Variants in STK32B observed in about 807,000 individuals in gnomAD.
STK32B encodes serine/threonine kinase 32B.
STK32B carries 43 observed loss-of-function variants against 52.6 expected under a neutral mutation model. The ratio of observed to expected loss-of-function variants is 0.82; its 90% CI spans 0.64 to 1.05. STK32B has a LOEUF of 1.05. Among genes scored for constraint, STK32B ranks in the 50% least tolerant of loss-of-function variants. The pLI, the probability that STK32B is intolerant of heterozygous loss-of-function variation, is 0.00. For missense variants in STK32B, 621 were observed against 534.6 expected, an observed-to-expected ratio of 1.16 and a Z score of -1.59; for synonymous variants, 238 against 204.3, an observed-to-expected ratio of 1.17 and a Z score of -1.41.
rs186537437 is a variant in STK32B at position 5,396,257 on chromosome 4, G to A, written c.435-1950G>A. On this transcript the variant is annotated intron_variant, in intron 4 of 11. Transcript: ENST00000282908. The surrounding 1 kb of genome is among the most constrained non-coding windows in gnomAD (Gnocchi z 4.7). ...CTGTTCCAGCTCCAGGTGGCTCCAG[G>A]CGTTTCTGGTTCATGGCTGCATCAC... 2.9e-4 allele frequency among the ~76,000 whole-genome samples: 44 copies of A among 152,282 alleles called. No individual in the cohort carries two copies. The East Asian group carries it at 7.0e-3, about 24-fold the overall frequency.
intron 3 of STK32B, among the ~76,000 whole-genome samples, chr4:5,257,052 T>G (rs1726358796): frequency 6.9e-6 from 1 of 144,404 alleles, no homozygotes; most frequent in South Asian, 2.2e-4. Flanking sequence ...AATGAGTGAA[T>G]GAATATGTGA....
intron 11 of STK32B, among the ~76,000 whole-genome samples, chr4:5,489,230 G>C (rs1719480836): frequency 6.6e-6 from 1 of 152,032 alleles, no homozygotes; most frequent in Admixed American, 6.6e-5. Flanking sequence ...ATTTTTAATA[G>C]CTTACCTAAA....
intron 5 of STK32B, among the ~76,000 whole-genome samples, chr4:5,405,654 A>C (rs11734282): frequency 0.14 from 20,707 of 152,130 alleles, 2,520 homozygotes; most frequent in African/African-American, 0.33. Context: ...AAGGGGAAGC[A>C]AGCACGTCTT....
At chr4:5,223,403 C>A (rs1405155227) in intron 3 of STK32B, among the ~76,000 whole-genome samples, 1 of 152,132 alleles carries the variant, frequency 6.6e-6, no homozygotes, top group Non-Finnish European at 1.5e-5. Context: ...CAATGGCAGC[C>A]TGCGAGAGCT....
chr4:5,086,658 GATTA>G (rs1201260523), intron 1 of STK32B, among the ~76,000 whole-genome samples: 1 of 152,090 alleles, frequency 6.6e-6, no homozygotes, highest in Non-Finnish European at 1.5e-5. Context: ...ACCACACCGA[GATTA>G]ATTAAACTGT....
chr4:5,484,296 G>C (rs563555563), intron 11 of STK32B, among the ~76,000 whole-genome samples: 3 of 152,284 alleles, frequency 2.0e-5, no homozygotes, highest in South Asian at 4.2e-4. Context: ...TATATATTTA[G>C]GATAGTTAGC....
At position 5,051,669 on chromosome 4, in the gene STK32B, C is replaced by T. The variant is rs1163835626; in HGVS notation, c.-195C>T. ...GCGGCGAGAGCGGGGTCCCTGCGAG[C>T]GCAGTCGGAAGGGCGTCCAGGAGAA... On this transcript the variant is annotated 5_prime_UTR_variant, in exon 1 of 12. Coordinates refer to ENST00000282908, the MANE Select transcript of STK32B (RefSeq NM_018401.3). 3 of 613,618 alleles carry T rather than the reference C, an allele frequency of 4.9e-6. No homozygotes were observed. The highest frequency in any genetic ancestry group is 4.2e-5 in the Admixed American group (1 of 23,770). 38.0% of individuals were successfully genotyped at this position (613,618 alleles called of 1,614,324 possible).
At chr4:5,127,009 A>G in intron 1 of STK32B, 2 of 456,488 alleles carry the variant, frequency 4.4e-6, no homozygotes, top group Admixed American at 2.4e-5. Flanking sequence ...AGATGACAGC[A>G]TTACTCACAT....
intron 3 of STK32B, among the ~76,000 whole-genome samples, chr4:5,314,602 G>A (rs1434731279): frequency 1.3e-5 from 2 of 152,160 alleles, no homozygotes; most frequent in Non-Finnish European, 1.5e-5. Flanking sequence ...CCCAGGAGGC[G>A]GAGGTTGCAG....
chr4:5,163,333 A>G (rs1718593952), intron 2 of STK32B, among the ~76,000 whole-genome samples: 1 of 152,182 alleles, frequency 6.6e-6, no homozygotes. Context: ...TTTATAATAC[A>G]GTGTGTCAAG....
At chr4:5,271,199 G>A (rs574241476) in intron 3 of STK32B, among the ~76,000 whole-genome samples, 45 of 152,292 alleles carry the variant, frequency 3.0e-4, no homozygotes, top group African/African-American at 1.1e-3. Context: ...ACCTCCCAAA[G>A]TGCTGGGATT....
chr4:5,446,163 G>A (rs1050539121), intron 6 of STK32B, among the ~76,000 whole-genome samples: 6 of 152,204 alleles, frequency 3.9e-5, no homozygotes, highest in South Asian at 2.1e-4. Flanking sequence ...GTAGTGTCAC[G>A]CCAGTGCTTC....
At chr4:5,323,739 G>C (rs771716674) in intron 3 of STK32B, among the ~76,000 whole-genome samples, 6 of 152,168 alleles carry the variant, frequency 3.9e-5, no homozygotes, top group Non-Finnish European at 5.9e-5. Context: ...TGTGTGGAAT[G>C]CTCCTGGCTA....
intron 5 of STK32B, among the ~76,000 whole-genome samples, 190 bp from the exon 6 acceptor site, chr4:5,416,653 TAA>T (rs752926331): frequency 7.2e-5 from 11 of 152,364 alleles, no homozygotes; most frequent in South Asian, 2.1e-4. Context: ...ATAATATGCA[TAA>T]GTTACCAAAT....
intron 4 of STK32B, among the ~76,000 whole-genome samples, chr4:5,354,821 T>G (rs1242809394): frequency 1.3e-5 from 2 of 152,126 alleles, no homozygotes; most frequent in Non-Finnish European, 2.9e-5. Flanking sequence ...AGGTCAAATA[T>G]GTATAAATTA....
chr4:5,478,405 A>G (rs796619681), intron 11 of STK32B, among the ~76,000 whole-genome samples: 10 of 152,282 alleles, frequency 6.6e-5, no homozygotes, highest in African/African-American at 1.4e-4. Context: ...GCTGAATCCA[A>G]CCAAAGACTC....
At chr4:5,382,389 T>C (rs1488728226) in intron 4 of STK32B, among the ~76,000 whole-genome samples, 1 of 152,072 alleles carries the variant, frequency 6.6e-6, no homozygotes, top group Non-Finnish European at 1.5e-5. Flanking sequence ...ATAATACATG[T>C]AAAGTGCTGT....
intron 3 of STK32B, among the ~76,000 whole-genome samples, chr4:5,207,884 T>A (rs1722672272): frequency 6.6e-6 from 1 of 152,020 alleles, no homozygotes; most frequent in African/African-American, 2.4e-5. Context: ...TTACTTTTAT[T>A]TTATTTTGCT....
the STK32B span, among the ~76,000 whole-genome samples, chr4:5,038,943 C>A: frequency 7.3e-5 from 11 of 150,788 alleles, no homozygotes; most frequent in African/African-American, 2.7e-4. Flanking sequence ...AATAACATAG[C>A]ATAAAACACA....
Sources: gnomAD v4.1 joint callset for allele counts (sites outside exome capture counted in the v4.1 genomes callset) on GRCh38, gnomAD v4.1.1 for gene constraint, Gnocchi (gnomAD v3.1) non-coding constraint, MANE v1.5 for transcripts, NCBI Gene and HGNC (gene_info 2026-07-23, HGNC 2026-07-21) for gene names.